RGSL1: variants seen among roughly 807,000 people sequenced by gnomAD.
The protein encoded by RGSL1 is regulator of G protein signaling like 1.
In RGSL1, 97 loss-of-function variants were observed where a neutral mutation model predicts 124.7. The ratio of observed to expected loss-of-function variants is 0.78; its 90% CI spans 0.66 to 0.92. The LOEUF is 0.92. RGSL1 is among the 40% of genes least tolerant of loss of function. The probability of loss-of-function intolerance (pLI) is 0.00; values close to 1 mark genes in which losing one functional copy is unlikely to be tolerated. For synonymous variants in RGSL1, 424 were observed against 438.1 expected, an observed-to-expected ratio of 0.97 and a Z score of 0.40; for missense variants, 1,233 against 1,288.4, an observed-to-expected ratio of 0.96 and a Z score of 0.66.
At chr1:182,553,271 G>A (rs1391124718) in intron 18 of RGSL1, among the ~76,000 whole-genome samples, 184 bp from the exon 19 acceptor site, 1 of 152,166 alleles carries the variant, frequency 6.6e-6, no homozygotes, top group East Asian at 1.9e-4. Context: ...TTCAACATGA[G>A]TTTTGGAGGC....
intron 20 of RGSL1, chr1:182,555,598 G>A (rs1227002314): frequency 5.8e-6 from 1 of 173,508 alleles, no homozygotes; most frequent in Non-Finnish European, 1.2e-5. Context: ...ATCCCCAGGG[G>A]TCATGAAAAC....
At chr1:182,472,249 A>C in intron 4 of RGSL1, 147 bp from the exon 5 acceptor site, 2 of 668,272 alleles carry the variant, frequency 3.0e-6, no homozygotes, top group Non-Finnish European at 4.6e-6. Flanking sequence ...GAACTTTTCT[A>C]GAGATGATAC....
chr1:182,548,909 C>G, intron 17 of RGSL1, 85 bp downstream of exon 17: 1 of 1,483,880 alleles, frequency 6.7e-7, no homozygotes, highest in Non-Finnish European at 9.0e-7. Flanking sequence ...CTCTAGCACT[C>G]TGTTTCGTAG....
chr1:182,537,273 C>T (rs1055064623), intron 14 of RGSL1, among the ~76,000 whole-genome samples: 29 of 152,084 alleles, frequency 1.9e-4, no homozygotes, highest in Admixed American at 5.9e-4. Flanking sequence ...TATTCAGTGT[C>T]CCCAAGGAAA....
At chr1:182,500,322 G>A (rs1298224939) in intron 9 of RGSL1, among the ~76,000 whole-genome samples, 2 of 152,110 alleles carry the variant, frequency 1.3e-5, no homozygotes, top group East Asian at 3.8e-4. Context: ...TAAATTGACT[G>A]TACATGTATG....
intron 1 of RGSL1, chr1:182,450,484 G>C (rs1323968367): frequency 6.9e-6 from 3 of 435,944 alleles, no homozygotes; most frequent in Non-Finnish European, 1.3e-5. Flanking sequence ...AGATTATGCA[G>C]TGATTTCATT....
Position 182,460,066 on chromosome 1 carries a change from A to G in RGSL1, c.234A>G (p.Lys78=). The change falls in exon 4 of 22, where the codon AAA becomes AAG. Residue 78 remains lysine (K), a synonymous_variant. Transcript: ENST00000294854. The part of the protein sequence containing the change: ...LEKCRLPFFC[K]TNLCFHYILC... Reference sequence around the variant, plus strand: ...AATGCCGATTACCTTTCTTCTGTAAAACAAACTTGTGTTTCCATTACATTC... The same window carrying G: ...AATGCCGATTACCTTTCTTCTGTAAGACAAACTTGTGTTTCCATTACATTC... 6.4e-7 allele frequency: 1 copy of G among 1,551,700 alleles called. No homozygotes were observed. The highest frequency in any genetic ancestry group is 2.4e-5 in the East Asian group (1 of 40,902).
At chr1:182,539,430 C>G (rs1049593372) in intron 14 of RGSL1, among the ~76,000 whole-genome samples, 1 of 152,158 alleles carries the variant, frequency 6.6e-6, no homozygotes, top group African/African-American at 2.4e-5. Context: ...GTTACCCTCC[C>G]ATTCTATATA....
At chr1:182,465,571 C>A (rs1193377650) in intron 4 of RGSL1, among the ~76,000 whole-genome samples, 1 of 151,872 alleles carries the variant, frequency 6.6e-6, no homozygotes, top group African/African-American at 2.4e-5. Context: ...TGTAACAAAC[C>A]TGCACATTGT....
chr1:182,487,259 C>T (rs1438284338), intron 6 of RGSL1, among the ~76,000 whole-genome samples: 1 of 152,148 alleles, frequency 6.6e-6, no homozygotes, highest in African/African-American at 2.4e-5. Context: ...GATAATCTTA[C>T]ATTCTTAAAA....
intron 14 of RGSL1, among the ~76,000 whole-genome samples, chr1:182,534,241 T>C (rs1659387107): frequency 6.6e-6 from 1 of 152,232 alleles, no homozygotes; most frequent in African/African-American, 2.4e-5. Flanking sequence ...TTTAAACTCT[T>C]GCCAACCATA....
chr1:182,505,276 A>G (rs1656729720), intron 9 of RGSL1, among the ~76,000 whole-genome samples: 1 of 152,198 alleles, frequency 6.6e-6, no homozygotes, highest in African/African-American at 2.4e-5. Flanking sequence ...ACAAACAACC[A>G]CAATTTTTTG....
At chr1:182,552,681 G>A (rs367617342) in intron 18 of RGSL1, among the ~76,000 whole-genome samples, 3 of 152,292 alleles carry the variant, frequency 2.0e-5, no homozygotes, top group South Asian at 2.1e-4. Flanking sequence ...ATAAAGAAAG[G>A]AATGTATTTG....
chr1:182,532,823 T>A, intron 14 of RGSL1, 32 bp downstream of exon 14: 1 of 1,538,966 alleles, frequency 6.5e-7, no homozygotes, highest in East Asian at 2.5e-5. Flanking sequence ...CCCCACTCCC[T>A]GTTGATATTT....
intron 11 of RGSL1, among the ~76,000 whole-genome samples, 169 bp downstream of exon 11, chr1:182,527,941 A>G (rs1165128883): frequency 6.6e-6 from 1 of 152,192 alleles, no homozygotes; most frequent in Non-Finnish European, 1.5e-5. Context: ...AGAGAACAGT[A>G]ATAATAAATT....
rs1347359105 is a variant in RGSL1, at chr1:182,489,010, C to T, written c.1525C>T (p.His509Tyr). The change falls in exon 8 of 22, where the codon CAT becomes TAT. Residue 509 changes from histidine to tyrosine, a missense_variant. Physicochemically the swap from His to Tyr is moderately conservative, Grantham distance 83 (BLOSUM62 2). Coordinates refer to ENST00000294854, the MANE Select transcript of RGSL1 (RefSeq NM_001137669.2). ...GAACAGGTTCATCAGCTCCAGACAG[C>T]ATAAAAGAGAATTTATAGGCAAAGA... ...TQNRFISSRQ[H>Y]KREFIGKEEN... 1 of 1,551,088 alleles carries T rather than the reference C, an allele frequency of 6.4e-7. No individual in the cohort carries two copies. The highest frequency in any genetic ancestry group is 8.7e-7 in the Non-Finnish European group (1 of 1,146,990).
upstream of RGSL1, among the ~76,000 whole-genome samples, chr1:182,449,860 TG>T (rs1430379967): frequency 6.6e-6 from 1 of 152,114 alleles, no homozygotes; most frequent in Non-Finnish European, 1.5e-5. Flanking sequence ...CACCCTAGCA[TG>T]GGAGAGGTTG....
At chr1:182,528,010 A>C (rs1327411044) in intron 11 of RGSL1, among the ~76,000 whole-genome samples, 1 of 152,218 alleles carries the variant, frequency 6.6e-6, no homozygotes, top group Non-Finnish European at 1.5e-5. Context: ...GAAATGCCTA[A>C]GACTGGGTAA....
At chr1:182,554,858 GTGTTT>G (rs1660773099) in intron 20 of RGSL1, 165 bp downstream of exon 20, 1 of 661,130 alleles carries the variant, frequency 1.5e-6, no homozygotes, top group Non-Finnish European at 2.6e-6. Context: ...AGTTAAAGAG[GTGTTT>G]CTCTGTGGGG....
Sources: allele counts gnomAD v4.1 joint callset (sites outside exome capture counted in the v4.1 genomes callset), GRCh38; gene constraint gnomAD v4.1.1; transcripts MANE v1.5; gene names NCBI Gene and HGNC (gene_info 2026-07-23, HGNC 2026-07-21).